The following IQGAP2 variants were observed in gnomAD, a reference collection of about 807,000 sequenced individuals.
IQGAP2 encodes IQ motif containing GTPase activating protein 2.
In IQGAP2, 173 loss-of-function variants were observed where a neutral mutation model predicts 201.3. The ratio of observed to expected loss-of-function variants is 0.86; its 90% CI spans 0.76 to 0.98. The LOEUF is 0.98. Ranked by LOEUF, IQGAP2 falls within the 50% of genes least tolerant of loss-of-function variation. The pLI, the probability that IQGAP2 is intolerant of heterozygous loss-of-function variation, is 0.00. For missense variants in IQGAP2, 1,687 were observed against 1,864.8 expected (o/e 0.90, Z 1.76); for synonymous variants, 675 against 673.9 (o/e 1.00, Z -0.03).
intron 15 of IQGAP2, among the ~76,000 whole-genome samples, chr5:76,634,229 G>C (rs1368991544): frequency 6.6e-6 from 1 of 151,494 alleles, no homozygotes; most frequent in East Asian, 1.9e-4. Context: ...TTGTTTCAGA[G>C]ACCCATAGCC....
chr5:76,687,233 C>A (rs1011033566), intron 30 of IQGAP2, among the ~76,000 whole-genome samples: 1 of 152,188 alleles, frequency 6.6e-6, no homozygotes, highest in Non-Finnish European at 1.5e-5. Flanking sequence ...TGAGATCTTA[C>A]TGTTGGCCGA....
At chr5:76,425,067 C>T (rs1751922425) in intron 1 of IQGAP2, among the ~76,000 whole-genome samples, 1 of 152,210 alleles carries the variant, frequency 6.6e-6, no homozygotes, top group Admixed American at 6.5e-5. Flanking sequence ...CATTCACAGT[C>T]AGACCTTTCC....
intron 23 of IQGAP2, among the ~76,000 whole-genome samples, chr5:76,670,454 C>T (rs1445766531): frequency 3.9e-5 from 6 of 152,156 alleles, no homozygotes; most frequent in African/African-American, 1.4e-4. Context: ...GCAGAGCTTG[C>T]AGTGAGCTGA....
rs912025309 is a variant in IQGAP2 at position 76,648,268 on chromosome 5, C to T, written c.2095-4482C>T. 6.8e-4 allele frequency among the ~76,000 whole-genome samples: 104 copies of T among 152,098 alleles called. 2 individuals are homozygous for T. Among genetic ancestry groups the T allele is most frequent in the Non-Finnish European group, 2.8e-4 (19 of 68,018 alleles). On this transcript the variant is annotated intron_variant, in intron 17 of 35. Coordinates refer to ENST00000274364, the MANE Select transcript of IQGAP2 (RefSeq NM_006633.5). ...CACTAGCCTCCTTTTTTTCTCTTCA[C>T]CTTTAAGAGAGTTATGTTTGTTTAT...
At chr5:76,476,061 G>A (rs1311996359) in intron 2 of IQGAP2, among the ~76,000 whole-genome samples, 1 of 152,190 alleles carries the variant, frequency 6.6e-6, no homozygotes, top group Non-Finnish European at 1.5e-5. Flanking sequence ...AAGTGGAGAA[G>A]TGAGTAAATA....
At chr5:76,593,794 C>A (rs1215633101) in intron 9 of IQGAP2, among the ~76,000 whole-genome samples, 5 of 152,188 alleles carry the variant, frequency 3.3e-5, no homozygotes, top group Non-Finnish European at 7.3e-5. Context: ...TTACAACAGT[C>A]CTAAACCTTG....
intron 2 of IQGAP2, among the ~76,000 whole-genome samples, chr5:76,518,150 C>T (rs761935437): frequency 3.3e-5 from 5 of 151,984 alleles, no homozygotes; most frequent in Admixed American, 6.6e-5. Context: ...TTAGTAGAGA[C>T]GGGGTTTCAC....
intron 1 of IQGAP2, among the ~76,000 whole-genome samples, chr5:76,407,450 A>T (rs1750859231): frequency 6.6e-6 from 1 of 152,216 alleles, no homozygotes. Context: ...GTAAAAGGTG[A>T]TTGAATAAGT....
At chr5:76,532,762 C>G (rs1192477166) in intron 2 of IQGAP2, among the ~76,000 whole-genome samples, 2 of 152,180 alleles carry the variant, frequency 1.3e-5, no homozygotes. Context: ...CCACTCCGTG[C>G]CCTTGGAAAC....
intron 13 of IQGAP2, among the ~76,000 whole-genome samples, chr5:76,627,060 G>C (rs1750310363): frequency 6.6e-6 from 1 of 152,156 alleles, no homozygotes. Context: ...GCTTTAAGTA[G>C]AGGAGTGGTG....
rs1755098438 is a variant in IQGAP2 at position 76,471,384 on chromosome 5, A to AAC, written c.146+9716_146+9717insCA. On this transcript the variant is annotated intron_variant, in intron 2 of 35. Transcript: ENST00000274364. ...CTAAGCAAAAAAAAAAAAAAAAAAA[A>AAC]AACACCCTTCCCTTGGTGATAGGCT... Among the ~76,000 whole-genome samples the AAC allele has an allele frequency of 2.0e-5, 3 of 147,712 alleles. 1 individual carries two copies. The highest frequency in any genetic ancestry group is 7.4e-5 in the African/African-American group (3 of 40,804).
chr5:76,603,711 T>C (rs939491590), intron 11 of IQGAP2, among the ~76,000 whole-genome samples: 3 of 152,216 alleles, frequency 2.0e-5, no homozygotes, highest in Non-Finnish European at 2.9e-5. Context: ...GTGCCTGCCA[T>C]GTTTTACATG....
At position 76,658,685 on chromosome 5, in the gene IQGAP2, G is replaced by A. The variant is rs752079178; in HGVS notation, c.2529+18G>A. ...CACTAGAGGTCAGTGGGGTTTTTGG[G>A]ACTGTCAGCTCCCAGAAGAGGGAAG... On this transcript the variant is annotated intron_variant, in intron 21 of 35. Transcript: ENST00000274364. 1.9e-6 allele frequency: 3 copies of A among 1,606,984 alleles called. No homozygotes were observed. Among genetic ancestry groups the A allele is most frequent in the Admixed American group, 3.3e-5 (2 of 59,822 alleles).
At chr5:76,699,259 C>T (rs1747040430) in intron 33 of IQGAP2, 1 of 152,156 alleles carries the variant, frequency 6.6e-6, no homozygotes, top group Non-Finnish European at 1.5e-5. Flanking sequence ...AGCATAGTGT[C>T]CTCTAATTCT....
intron 1 of IQGAP2, among the ~76,000 whole-genome samples, chr5:76,417,793 G>T (rs1751496212): frequency 6.6e-6 from 1 of 152,108 alleles, no homozygotes; most frequent in African/African-American, 2.4e-5. Context: ...TGTTGCCCAG[G>T]CTGGTCTTGA....
chr5:76,539,440 G>A (rs147980005), intron 2 of IQGAP2, among the ~76,000 whole-genome samples: 1 of 152,320 alleles, frequency 6.6e-6, no homozygotes, highest in East Asian at 1.9e-4. Context: ...GCTCCGTTCT[G>A]CTGCAGTGCC....
At chr5:76,692,378 CTGACCGCAGG>C (rs1164265336) in intron 30 of IQGAP2, among the ~76,000 whole-genome samples, 2 of 152,232 alleles carry the variant, frequency 1.3e-5, no homozygotes, top group Non-Finnish European at 2.9e-5. Flanking sequence ...TCTGGAACTT[CTGACCGCAGG>C]TGATCCGCCC....
chr5:76,678,059 C>T (rs1744979857), intron 28 of IQGAP2, among the ~76,000 whole-genome samples: 1 of 152,222 alleles, frequency 6.6e-6, no homozygotes, highest in South Asian at 2.1e-4. Context: ...CCCTGTCTCT[C>T]CCCTCTTCCA....
Position 76,693,708 on chromosome 5 carries a change from G to A in IQGAP2, c.3993+266G>A, listed in dbSNP as rs140060604. 55 of 293,274 alleles carry A rather than the reference G, an allele frequency of 1.9e-4. No individual in the cohort carries two copies. In the East Asian group the frequency reaches 3.3e-3, roughly 18 times the overall value. The allele number at this position is 293,274 out of a possible 1,614,324, so 18.2% of individuals were successfully genotyped here. ...GGATGATAGTTCTGGGTTTTTCAAA[G>A]CCCGGAAATGTTCATCATAATGGGC... On this transcript the variant is annotated intron_variant, in intron 31 of 35. Coordinates refer to ENST00000274364, the MANE Select transcript of IQGAP2 (RefSeq NM_006633.5).
Sources: allele counts gnomAD v4.1 joint callset (sites outside exome capture counted in the v4.1 genomes callset), GRCh38; gene constraint gnomAD v4.1.1; transcripts MANE v1.5; gene names NCBI Gene and HGNC (gene_info 2026-07-23, HGNC 2026-07-21).